PAK3: variants seen among roughly 807,000 people sequenced by gnomAD.
The protein encoded by PAK3 is serine/threonine-protein kinase PAK 3.
A neutral mutation model predicts 41.0 loss-of-function variants in PAK3; 4 were observed. That is an observed-to-expected ratio of 0.10 (90% CI 0.05 to 0.22). The LOEUF is 0.22. Among genes scored for constraint, PAK3 ranks in the 10% least tolerant of loss-of-function variants. The probability of loss-of-function intolerance (pLI) is 1.00; values close to 1 mark genes in which losing one functional copy is unlikely to be tolerated. For synonymous variants in PAK3, 146 were observed against 139.6 expected (o/e 1.05, Z -0.32); for missense variants, 205 against 409.9 (o/e 0.50, Z 4.32).
chrX:111,005,244 C>T (rs1043529506), intron 1 of PAK3, among the ~76,000 whole-genome samples: 1 of 110,960 alleles, frequency 9.0e-6, no homozygotes, highest in African/African-American at 3.3e-5. Context: ...GGAGGGGGTG[C>T]GGAGGGTGGC....
intron 11 of PAK3, among the ~76,000 whole-genome samples, chrX:111,177,152 C>T (rs927751599): frequency 3.6e-5 from 4 of 111,404 alleles, no homozygotes; most frequent in Non-Finnish European, 7.5e-5. Context: ...CCTATTATTA[C>T]AGTGACATTC....
chrX:111,005,165 T>A (rs2091903449), intron 1 of PAK3, among the ~76,000 whole-genome samples: 1 of 111,760 alleles, frequency 8.9e-6, no homozygotes, highest in Non-Finnish European at 1.9e-5. Flanking sequence ...CTGGACTAAA[T>A]TCCCTCTAAC....
At chrX:110,969,529 G>C (rs966285116) in intron 1 of PAK3, among the ~76,000 whole-genome samples, 5 of 100,349 alleles carry the variant, frequency 5.0e-5, no homozygotes, top group Admixed American at 4.7e-4. Context: ...TCAAACTTCC[G>C]ACCTCAGGTG....
Position 111,195,877 on chromosome X carries a change from G to C in PAK3, c.1146G>C (p.Gln382His). 2 of 1,191,423 alleles carry C rather than the reference G, an allele frequency of 1.7e-6. No homozygotes were observed. Among genetic ancestry groups the C allele is most frequent in the Non-Finnish European group, 2.3e-6 (2 of 877,243 alleles). The change falls in exon 15 of 18, where the codon CAG (glutamine) becomes CAC (histidine). Residue 382 changes from glutamine to histidine, a missense_variant. Coordinates refer to ENST00000372007, the MANE Select transcript of PAK3 (RefSeq NM_002578.5). Reference protein sequence around the residue: ...LQALDFLHSNQVIHRDIKSDN... With the variant: ...LQALDFLHSNHVIHRDIKSDN... ...CTTTGGATTTCCTGCACTCAAACCA[G>C]GTGATCCATAGAGATATAAAGAGTG... is the stretch of plus-strand genomic sequence containing the variant.
chrX:111,119,172 C>A (rs1005089552), intron 4 of PAK3, among the ~76,000 whole-genome samples: 1 of 111,731 alleles, frequency 9.0e-6, no homozygotes, highest in Admixed American at 9.5e-5. Context: ...TATCATGAAA[C>A]AAGAGGCTTA....
At chrX:111,135,068 A>G (rs1439751441) in intron 5 of PAK3, among the ~76,000 whole-genome samples, 1 of 111,041 alleles carries the variant, frequency 9.0e-6, no homozygotes, top group African/African-American at 3.3e-5. Flanking sequence ...TAGCCACAGG[A>G]GGAATCGGGA....
chrX:111,001,111 AG>A (rs764377197), intron 1 of PAK3, among the ~76,000 whole-genome samples: 1 of 112,393 alleles, frequency 8.9e-6, no homozygotes, highest in South Asian at 3.7e-4. Flanking sequence ...AAAGAACCAC[AG>A]GAAGCCTAGT....
intron 1 of PAK3, among the ~76,000 whole-genome samples, chrX:110,974,966 T>A (rs1328763448): frequency 8.9e-6 from 1 of 111,744 alleles, no homozygotes; most frequent in Admixed American, 9.5e-5. Context: ...AATCTCAATA[T>A]AATAAGAGCT....
intron 11 of PAK3, among the ~76,000 whole-genome samples, chrX:111,179,332 T>G (rs2094441737): frequency 9.1e-6 from 1 of 110,475 alleles, no homozygotes; most frequent in African/African-American, 3.3e-5. Context: ...CCCATTCATA[T>G]AACATTAAGA....
At chrX:111,160,202 A>G (rs2094152753) in intron 8 of PAK3, among the ~76,000 whole-genome samples, 1 of 111,984 alleles carries the variant, frequency 8.9e-6, no homozygotes, top group Admixed American at 9.5e-5. Flanking sequence ...TGTCCAACAA[A>G]TATATAAACT....
intron 1 of PAK3, among the ~76,000 whole-genome samples, chrX:111,024,770 A>C (rs2092245425): frequency 9.0e-6 from 1 of 111,370 alleles, no homozygotes; most frequent in Non-Finnish European, 1.9e-5. Flanking sequence ...GAAACAATGA[A>C]CCTAAACTGT....
chrX:110,945,031 C>G (rs1281612848), intron 1 of PAK3, among the ~76,000 whole-genome samples: 5 of 112,299 alleles, frequency 4.5e-5, no homozygotes, highest in African/African-American at 1.6e-4. Flanking sequence ...CAAAACCAGT[C>G]CTCCTCAGCT....
chrX:111,201,411 A>G (rs1007758515), intron 16 of PAK3, among the ~76,000 whole-genome samples: 4 of 111,925 alleles, frequency 3.6e-5, no homozygotes, highest in South Asian at 7.4e-4. Flanking sequence ...CCTGGTGCCC[A>G]GGCCATATGT....
chrX:111,025,099 G>C lies in PAK3; in HGVS notation c.-28+80471G>C, dbSNP rs946175844. Among the ~76,000 whole-genome samples, 3 of 110,911 alleles carry C rather than the reference G, an allele frequency of 2.7e-5. No individual in the cohort carries two copies. The Admixed American group carries it at 2.9e-4, about 11-fold the overall frequency. On this transcript the variant is annotated intron_variant, in intron 1 of 14. Coordinates refer to the PAK3 transcript ENST00000425146. ...GGAAATTAAAATAATTATTTGAACT[G>C]AACAATAATAATGACACAACCTATG...
intron 16 of PAK3, among the ~76,000 whole-genome samples, chrX:111,197,591 A>G (rs2094630067): frequency 1.8e-5 from 2 of 112,446 alleles, no homozygotes; most frequent in South Asian, 3.7e-4. Flanking sequence ...TCTTTGAGAA[A>G]TCTCCAAACT....
chrX:110,975,482 A>G (rs2091309181), intron 1 of PAK3, among the ~76,000 whole-genome samples: 1 of 112,175 alleles, frequency 8.9e-6, no homozygotes, highest in Admixed American at 9.5e-5. Flanking sequence ...ATGGAAGAAC[A>G]TTCCACGCTC....
chrX:111,151,863 G>T (rs1003064773), intron 7 of PAK3, among the ~76,000 whole-genome samples: 1 of 111,923 alleles, frequency 8.9e-6, no homozygotes, highest in African/African-American at 3.2e-5. Context: ...AACCAAACTG[G>T]CTATTAAGTG....
intron 1 of PAK3, among the ~76,000 whole-genome samples, chrX:111,023,913 C>T (rs1461578756): frequency 2.7e-5 from 3 of 111,905 alleles, no homozygotes; most frequent in Non-Finnish European, 5.6e-5. Flanking sequence ...TCCCACTTGT[C>T]TATTTTGGCT....
At chrX:110,959,227 C>G (rs995502796) in intron 1 of PAK3, among the ~76,000 whole-genome samples, 1 of 111,572 alleles carries the variant, frequency 9.0e-6, no homozygotes, top group African/African-American at 3.3e-5. Context: ...AGTTTTAACT[C>G]TGGAACAACT....
Sources: allele counts gnomAD v4.1 joint callset (sites outside exome capture counted in the v4.1 genomes callset), GRCh38; gene constraint gnomAD v4.1.1; transcripts MANE v1.5; gene names NCBI Gene and HGNC (gene_info 2026-07-23, HGNC 2026-07-21).